Variants in CKAP2 observed in about 807,000 individuals in gnomAD.
CKAP2 encodes the protein cytoskeleton associated protein 2, also known as cytoskeleton-associated protein 2.
CKAP2 carries 46 observed loss-of-function variants against 58.4 expected under a neutral mutation model. That is an observed-to-expected ratio of 0.79 (90% CI 0.62 to 1.01). The LOEUF (loss-of-function observed/expected upper bound fraction) is 1.01, where lower values mean the gene tolerates loss of function less well. Among genes scored for constraint, CKAP2 ranks in the 50% least tolerant of loss-of-function variants. The pLI, the probability that CKAP2 is intolerant of heterozygous loss-of-function variation, is 0.00. For missense variants in CKAP2, 809 were observed against 796.4 expected, an observed-to-expected ratio of 1.02 and a Z score of -0.19; for synonymous variants, 293 against 280.9, an observed-to-expected ratio of 1.04 and a Z score of -0.43.
chr13:52,462,599 A>G (rs1958604101), intron 5 of CKAP2, 32 bp downstream of exon 5: 4 of 1,548,884 alleles, frequency 2.6e-6, no homozygotes, highest in East Asian at 2.3e-5. Flanking sequence ...AGCATTTTAT[A>G]GTTTGCAAAT....
At chr13:52,460,061 G>T (rs1958545807) in intron 2 of CKAP2, among the ~76,000 whole-genome samples, 1 of 151,968 alleles carries the variant, frequency 6.6e-6, no homozygotes, top group African/African-American at 2.4e-5. Flanking sequence ...GTTTTGCCGT[G>T]TTGCCCAGGC....
Position 52,475,390 on chromosome 13 carries a change from T to C in CKAP2, c.*249T>C, listed in dbSNP as rs756384709. ...TTTAAGAAAGGTAAATTTTGTCAGC[T>C]AGTTTACTATGTTCCTTGAATATAA... On this transcript the variant is annotated 3_prime_UTR_variant, in exon 9 of 9. Transcript: ENST00000258607. The C allele has an allele frequency of 9.3e-6, 4 of 431,332 alleles. No individual in the cohort carries two copies. The highest frequency in any genetic ancestry group is 1.2e-5 in the Non-Finnish European group (3 of 242,548). 26.7% of individuals were successfully genotyped at this position (431,332 alleles called of 1,614,324 possible).
intron 5 of CKAP2, among the ~76,000 whole-genome samples, chr13:52,464,663 A>AAT (rs1390707698): frequency 6.6e-6 from 1 of 151,916 alleles, no homozygotes; most frequent in African/African-American, 2.4e-5. Flanking sequence ...GGAGTATAAT[A>AAT]ATCAGCTCCA....
rs1475226008 is a variant in CKAP2 at position 52,465,381 on chromosome 13, A to G, written c.1392A>G (p.Ile464Met). 2 of 1,613,128 alleles carry G rather than the reference A, an allele frequency of 1.2e-6. No homozygotes were observed. The highest frequency in any genetic ancestry group is 1.7e-6 in the Non-Finnish European group (2 of 1,179,350). Residue 464 changes from isoleucine (I) to methionine (M), a missense_variant, in exon 6 of 9, where the codon ATA (isoleucine) becomes ATG (methionine). By Grantham distance (10) the Ile-to-Met change is conservative. Around this residue, in one of 3 missense-constraint regions of CKAP2, gnomAD observed 283 missense variants for 287.6 expected, o/e 0.98. Transcript: ENST00000258607. ...CCAAAAAGCTTGTTAAGTATTGGAT[A>G]TGTCTTGCACTTATTGAACCAATCA... ...PDAKKLVKYW[I>M]CLALIEPITS... is the part of the protein sequence containing the mutation.
rs1376542430 is a variant in CKAP2, at chr13:52,473,763, T to C, written c.1547-66T>C. The C allele has an allele frequency of 8.9e-6, 13 of 1,454,378 alleles. No homozygotes were observed. The East Asian group carries it at 9.1e-5, about 10-fold the overall frequency. 90.1% of individuals were successfully genotyped at this position (1,454,378 alleles called of 1,614,324 possible). A position where few individuals can be genotyped will look rare whatever the true frequency, so the allele number is the denominator to read the frequency against. On this transcript the variant is annotated intron_variant, in intron 7 of 8. Transcript: ENST00000258607. ...AAATGTGGCCAACTAGGAACAACTT[T>C]AATGTCTTCTGATTTTGTTCTTAAA...
intron 7 of CKAP2, among the ~76,000 whole-genome samples, chr13:52,469,797 C>G (rs1366907745): frequency 6.7e-6 from 1 of 149,316 alleles, no homozygotes; most frequent in East Asian, 1.9e-4. Flanking sequence ...GGGGTTTCAC[C>G]TTGTTAGCCA....
Position 52,474,746 on chromosome 13 carries a change from C to T in CKAP2, c.1803-149C>T, listed in dbSNP as rs1003947932. On this transcript the variant is annotated intron_variant, in intron 8 of 8. Coordinates refer to ENST00000258607, the MANE Select transcript of CKAP2 (RefSeq NM_018204.5). Reference sequence around the variant, plus strand: ...TGAGAAAAGGATAAGTTTCTCACTTCGGTGAGCTTATAGTACCTCTCTAAA... The same window carrying T: ...TGAGAAAAGGATAAGTTTCTCACTTTGGTGAGCTTATAGTACCTCTCTAAA... 2.8e-5 allele frequency: 20 copies of T among 702,898 alleles called. No individual in the cohort carries two copies. The African/African-American group carries it at 3.0e-4, about 11-fold the overall frequency. 43.5% of individuals were successfully genotyped at this position (702,898 alleles called of 1,614,324 possible).
rs1256944191 is a variant in CKAP2 at position 52,461,685 on chromosome 13, A to G, written c.859A>G (p.Lys287Glu). Residue 287 changes from lysine (K) to glutamate (E), a missense_variant, in exon 4 of 9, where the codon AAA becomes GAA. Around this residue, in one of 3 missense-constraint regions of CKAP2, gnomAD observed 523 missense variants for 492.4 expected, o/e 1.06. Coordinates refer to ENST00000258607, the MANE Select transcript of CKAP2 (RefSeq NM_018204.5). Reference protein sequence around the residue: ...NVTIRKGPHEKELLQSKTALS... With the variant: ...NVTIRKGPHEEELLQSKTALS... ...TACAATCCGGAAAGGGCCTCATGAAAAAGAACTATTACAATCAAAAACAGC... is the reference window on the plus strand; with the variant it reads ...TACAATCCGGAAAGGGCCTCATGAAGAAGAACTATTACAATCAAAAACAGC... 4 of 1,614,134 alleles carry G rather than the reference A, an allele frequency of 2.5e-6. No individual in the cohort carries two copies. The highest frequency in any genetic ancestry group is 1.3e-5 in the African/African-American group (1 of 75,040).
chr13:52,459,366 A>C (rs1047771771), intron 2 of CKAP2, among the ~76,000 whole-genome samples: 2 of 152,106 alleles, frequency 1.3e-5, no homozygotes, highest in Admixed American at 6.6e-5. Flanking sequence ...TCTGTCGCCT[A>C]GGCTATAGTG....
intron 1 of CKAP2, chr13:52,456,228 C>G (rs892196201): frequency 1.9e-6 from 2 of 1,052,148 alleles, no homozygotes; most frequent in African/African-American, 3.3e-5. Flanking sequence ...CATTTAGTTT[C>G]TTAAAGCTTG....
At chr13:52,473,593 T>G in intron 7 of CKAP2, 1 of 392,536 alleles carries the variant, frequency 2.5e-6, no homozygotes, top group East Asian at 4.0e-5. Context: ...AGTTGTTTCT[T>G]TTTGTGGGTT....
At position 52,473,974 on chromosome 13, in the gene CKAP2, G is replaced by A. The variant is rs758275296; in HGVS notation, c.1692G>A (p.Glu564=). 1.2e-6 allele frequency: 2 copies of A among 1,614,048 alleles called. No individual in the cohort carries two copies. The highest frequency in any genetic ancestry group is 1.7e-5 in the Admixed American group (1 of 60,010). Residue 564 remains glutamate, a synonymous_variant, in exon 8 of 9, where the codon GAG becomes GAA. Transcript: ENST00000258607. Reference sequence around the variant, plus strand: ...TGCTATTTCAAGATTGTGAAAAAGAGCAAGACAACAAAACAAAAGATCCAA... The same window carrying A: ...TGCTATTTCAAGATTGTGAAAAAGAACAAGACAACAAAACAAAAGATCCAA... ...RNLLFQDCEK[E]QDNKTKDPTH...
At chr13:52,473,682 T>C in intron 7 of CKAP2, 147 bp from the exon 8 acceptor site, 1 of 622,034 alleles carries the variant, frequency 1.6e-6, no homozygotes, top group Non-Finnish European at 2.8e-6. Flanking sequence ...TTGGCAGCAG[T>C]ATTTGCTGAG....
intron 8 of CKAP2, 126 bp from the exon 9 acceptor site, chr13:52,474,768 TA>T (rs1228123030): frequency 2.1e-6 from 2 of 933,102 alleles, no homozygotes; most frequent in African/African-American, 1.7e-5. Flanking sequence ...AGTACCTCTC[TA>T]AAAGACAATT....
intron 1 of CKAP2, chr13:52,456,113 T>C (rs1958475292): frequency 9.8e-7 from 1 of 1,018,738 alleles, no homozygotes; most frequent in Non-Finnish European, 1.2e-6. Flanking sequence ...TCAAAACTAA[T>C]ATTGTTATTC....
At position 52,466,894 on chromosome 13, in the gene CKAP2, A is replaced by G. The variant is rs544681424; in HGVS notation, c.1477-1384A>G. 8.3e-4 allele frequency among the ~76,000 whole-genome samples: 127 copies of G among 152,160 alleles called. 1 individual carries two copies. The highest frequency in any genetic ancestry group is 4.4e-3 in the South Asian group (21 of 4,818). The stretch of plus-strand genomic sequence containing the variant: ...GAGGATCGTTTGAGTCCAAGAGTTC[A>G]AGACCAGCCTGGGCAAGAGGGTGAG... On this transcript the variant is annotated intron_variant, in intron 6 of 8. Transcript: ENST00000258607.
chr13:52,468,583 G>A lies in CKAP2; in HGVS notation c.1546+236G>A, dbSNP rs1958716589. On this transcript the variant is annotated intron_variant, in intron 7 of 8. Coordinates refer to ENST00000258607, the MANE Select transcript of CKAP2 (RefSeq NM_018204.5). ...CTCCAACCCATGTGCCCCAGTGTGT[G>A]TTGTTCTTTAGCTGTCCATGTGTTC... 2.0e-5 allele frequency among the ~76,000 whole-genome samples: 3 copies of A among 152,214 alleles called. No individual in the cohort carries two copies. The South Asian group carries it at 6.2e-4, about 32-fold the overall frequency.
At chr13:52,465,576 G>T in intron 6 of CKAP2, 111 bp downstream of exon 6, 1 of 898,496 alleles carries the variant, frequency 1.1e-6, no homozygotes, top group Non-Finnish European at 1.8e-6. Context: ...ATATGTAGTG[G>T]TAATAAATGT....
At chr13:52,463,748 G>A (rs746856067) in intron 5 of CKAP2, among the ~76,000 whole-genome samples, 1 of 152,180 alleles carries the variant, frequency 6.6e-6, no homozygotes, top group African/African-American at 2.4e-5. Context: ...GGCTTTTTAA[G>A]ATATTTACTT....
Sources: allele counts gnomAD v4.1 joint callset (sites outside exome capture counted in the v4.1 genomes callset), GRCh38; gene constraint gnomAD v4.1.1; regional missense constraint gnomAD v4.1.1; transcripts MANE v1.5; gene names NCBI Gene and HGNC (gene_info 2026-07-23, HGNC 2026-07-21).